Variants in MUC17 observed in about 807,000 individuals in gnomAD.
The protein encoded by MUC17 is mucin 17, cell surface associated.
MUC17 carries 190 observed loss-of-function variants against 170.3 expected under a neutral mutation model. The ratio of observed to expected loss-of-function variants is 1.12; its 90% CI spans 0.99 to 1.26. The LOEUF (loss-of-function observed/expected upper bound fraction) is 1.26. MUC17 is among the 50% of genes most tolerant of loss of function. MUC17 has a pLI of 0.00. For synonymous variants in MUC17, 2,325 were observed against 2,002.5 expected (o/e 1.16, Z -4.30); for missense variants, 6,415 against 5,530.0 (o/e 1.16, Z -5.08).
intron 1 of MUC17, among the ~76,000 whole-genome samples, chr7:101,022,002 T>C (rs530263234): frequency 4.3e-4 from 65 of 152,200 alleles, no homozygotes; most frequent in African/African-American, 1.5e-3. Flanking sequence ...CCATCACAGA[T>C]GCCCTCTCAT....
chr7:101,046,128 T>C (rs1403221233), intron 3 of MUC17, among the ~76,000 whole-genome samples: 1 of 152,198 alleles, frequency 6.6e-6, no homozygotes, highest in Non-Finnish European at 1.5e-5. Context: ...TGCCCAGGAC[T>C]CTTGACTTCT....
In MUC17 at chr7:101,043,448, C is replaced by A. The variant is rs1326959332; in HGVS notation, c.12032C>A (p.Pro4011His). The change falls in exon 3 of 13, where the codon CCC (proline) becomes CAC (histidine). Residue 4011 changes from proline (P) to histidine (H), a missense_variant. Physicochemically the swap from Pro to His is moderately conservative, Grantham distance 77 (BLOSUM62 -2). Coordinates refer to ENST00000306151, the MANE Select transcript of MUC17 (RefSeq NM_001040105.2). Reference sequence around the variant, plus strand: ...ACATATGTGACCATGTCTACTGCCCCCAGCACACCCAGAACAACCAGCAGA... The same window carrying A: ...ACATATGTGACCATGTCTACTGCCCACAGCACACCCAGAACAACCAGCAGA... ...PLTYVTMSTA[P>H]STPRTTSRGC... The A allele has an allele frequency of 3.7e-6, 6 of 1,614,082 alleles. No individual in the cohort carries two copies. Among genetic ancestry groups the A allele is most frequent in the Non-Finnish European group, 5.1e-6 (6 of 1,180,048 alleles).
Position 101,035,441 on chromosome 7 carries a change from T to C in MUC17, c.4025T>C (p.Ile1342Thr), listed in dbSNP as rs764240698. 5.0e-6 allele frequency: 8 copies of C among 1,602,360 alleles called. No individual in the cohort carries two copies. The highest frequency in any genetic ancestry group is 1.7e-4 in the Middle Eastern group (1 of 6,028). Residue 1342 changes from isoleucine (I) to threonine (T), a missense_variant, in exon 3 of 13, where the codon ATA (isoleucine) becomes ACA (threonine). Transcript: ENST00000306151. Reference protein sequence around the residue: ...YSEGRTPLTSIPVNTTLVASS... With the variant: ...YSEGRTPLTSTPVNTTLVASS... ...GAAGGAAGAACTCCTTTAACAAGTA[T>C]ACCTGTCAACACCACACTGGTGGCC... is the stretch of plus-strand genomic sequence containing the variant.
At chr7:101,057,897 TA>T in intron 12 of MUC17, 105 bp from the exon 13 acceptor site, 2 of 950,448 alleles carry the variant, frequency 2.1e-6, no homozygotes, top group Non-Finnish European at 3.1e-6. Context: ...TAATAAAAAA[TA>T]AAAATAATTA....
At chr7:101,046,695 T>C (rs1248285182) in intron 3 of MUC17, among the ~76,000 whole-genome samples, 1 of 151,868 alleles carries the variant, frequency 6.6e-6, no homozygotes, top group East Asian at 1.9e-4. Flanking sequence ...GGAGGATTGC[T>C]TAAGCCCAGG....
intron 1 of MUC17, among the ~76,000 whole-genome samples, chr7:101,023,234 C>T (rs972693571): frequency 1.3e-5 from 2 of 152,064 alleles, no homozygotes; most frequent in Non-Finnish European, 2.9e-5. Context: ...CAGTTTAACT[C>T]GATCCCCTGC....
intron 1 of MUC17, among the ~76,000 whole-genome samples, chr7:101,028,755 T>C (rs1210523607): frequency 2.0e-5 from 3 of 151,184 alleles, no homozygotes; most frequent in Non-Finnish European, 2.9e-5. Flanking sequence ...AGGTGTGGTG[T>C]CTCATGCCTG....
At chr7:101,055,433 A>G (rs1467241049) in intron 11 of MUC17, among the ~76,000 whole-genome samples, 3 of 152,216 alleles carry the variant, frequency 2.0e-5, no homozygotes, top group Admixed American at 6.5e-5. Context: ...AAGAATTACT[A>G]GGTATAAAAA....
In MUC17 at chr7:101,041,588, C is replaced by T. The variant is rs771754460; in HGVS notation, c.10172C>T (p.Thr3391Ile). 2.5e-6 allele frequency: 4 copies of T among 1,613,630 alleles called. No homozygotes were observed. The highest frequency in any genetic ancestry group is 2.2e-5 in the East Asian group (1 of 44,856). The change falls in exon 3 of 13, where the codon ACC becomes ATC. Residue 3391 changes from threonine to isoleucine, a missense_variant. By Grantham distance (89) the Thr-to-Ile change is moderately conservative (BLOSUM62 -1). Coordinates refer to ENST00000306151, the MANE Select transcript of MUC17 (RefSeq NM_001040105.2). ...ACTGCTGAAGGTACCAGCATACCAA[C>T]CTCAAGTCCTAGTGAAGGAACCACT... ...PTTAEGTSIP[T>I]SSPSEGTTPL...
Position 101,041,314 on chromosome 7 carries a change from A to G in MUC17, c.9898A>G (p.Thr3300Ala), listed in dbSNP as rs1200949703. 9.9e-6 allele frequency: 16 copies of G among 1,610,818 alleles called. No homozygotes were observed. In the African/African-American group the frequency reaches 2.1e-4, roughly 22 times the overall value. The change falls in exon 3 of 13, where the codon ACC becomes GCC. Residue 3300 changes from threonine (T) to alanine (A), a missense_variant. By Grantham distance (58) the Thr-to-Ala change is moderately conservative. Coordinates refer to ENST00000306151, the MANE Select transcript of MUC17 (RefSeq NM_001040105.2). ...TTTVASSETS[T>A]LSTTPADTST... is the part of the protein sequence containing the mutation. ...AACGGTGGCCAGTTCTGAAACGAGC[A>G]CCCTTTCAACAACTCCTGCTGACAC... is the stretch of plus-strand genomic sequence containing the variant.
In MUC17 at chr7:101,044,794, CT is replaced by C. The variant is rs1317655926; in HGVS notation, c.12403+984del. On this transcript the variant is annotated intron_variant, in intron 3 of 12. Coordinates refer to ENST00000306151, the MANE Select transcript of MUC17 (RefSeq NM_001040105.2). ...GATTTTGTTCATACTAAAGTACGAA[CT>C]TTTTTTTTGCAGAAGGTTTTTGCCT... Among the ~76,000 whole-genome samples the C allele has an allele frequency of 5.9e-5, 9 of 151,654 alleles. No homozygotes were observed. In the South Asian group the frequency reaches 1.5e-3, roughly 25 times the overall value.
At chr7:101,029,486 C>G (rs141854824) in intron 1 of MUC17, among the ~76,000 whole-genome samples, 1 of 152,248 alleles carries the variant, frequency 6.6e-6, no homozygotes, top group African/African-American at 2.4e-5. Flanking sequence ...TTCTCTCCAT[C>G]GTTCATGTTT....
intron 3 of MUC17, among the ~76,000 whole-genome samples, chr7:101,047,578 C>T (rs1450299791): frequency 1.3e-5 from 2 of 152,130 alleles, no homozygotes; most frequent in African/African-American, 4.8e-5. Context: ...ACTTGTAATC[C>T]CAGCACTTTG....
rs1795021329 is a variant in MUC17 at position 101,054,988 on chromosome 7, A to C, written c.13364-1206A>C. Among the ~76,000 whole-genome samples, 5 of 151,984 alleles carry C rather than the reference A, an allele frequency of 3.3e-5. No homozygotes were observed. The South Asian group carries it at 1.0e-3, about 32-fold the overall frequency. ...CTGGACATGGTGGCATGTGCCTGTAATCCCAACCACCTGGGAGGCTGAGGC... is the reference window on the plus strand; with the variant it reads ...CTGGACATGGTGGCATGTGCCTGTACTCCCAACCACCTGGGAGGCTGAGGC... On this transcript the variant is annotated intron_variant, in intron 11 of 12. Coordinates refer to ENST00000306151, the MANE Select transcript of MUC17 (RefSeq NM_001040105.2).
chr7:101,039,392 A>G lies in MUC17; in HGVS notation c.7976A>G (p.Asp2659Gly). 2 of 1,611,980 alleles carry G rather than the reference A, an allele frequency of 1.2e-6. No individual in the cohort carries two copies. Among genetic ancestry groups the G allele is most frequent in the Non-Finnish European group, 1.7e-6 (2 of 1,179,156 alleles). Residue 2659 changes from aspartate to glycine, a missense_variant, in exon 3 of 13, where the codon GAC (aspartate) becomes GGC (glycine). By Grantham distance (94) the Asp-to-Gly change is moderately conservative. Coordinates refer to ENST00000306151, the MANE Select transcript of MUC17 (RefSeq NM_001040105.2). The stretch of plus-strand genomic sequence containing the variant: ...AGCACCCTTTCAACAACTCCTGTTG[A>G]CACCAGGACACTTGTGACCACTTCC... ...EASTLSTTPV[D>G]TRTLVTTSTG...
intron 11 of MUC17, among the ~76,000 whole-genome samples, chr7:101,054,852 G>T (rs1415351866): frequency 6.6e-6 from 1 of 151,940 alleles, no homozygotes; most frequent in East Asian, 1.9e-4. Flanking sequence ...TGTGGCTCAT[G>T]CCTGTAATCC....
intron 11 of MUC17, among the ~76,000 whole-genome samples, chr7:101,055,595 G>A (rs557677279): frequency 1.3e-4 from 20 of 152,236 alleles, no homozygotes; most frequent in African/African-American, 3.9e-4. Flanking sequence ...TTTTTAAAAC[G>A]CCTCTCTTAG....
At chr7:101,048,756 T>A in intron 4 of MUC17, 89 bp from the exon 5 acceptor site, 5 of 1,476,502 alleles carry the variant, frequency 3.4e-6, no homozygotes, top group Non-Finnish European at 4.6e-6. Context: ...TAAAATACAA[T>A]GGAGCTCACT....
rs367956925 is a variant in MUC17, at chr7:101,042,355, G to A, written c.10939G>A (p.Val3647Met). ...LTIMPVSTTS[V>M]TISEAGTAST... ...CATTATGCCTGTCAGCACCACATCG[G>A]TGACCATTTCTGAGGCTGGCACAGC... The change falls in exon 3 of 13, where the codon GTG becomes ATG. Residue 3647 changes from valine to methionine, a missense_variant. Physicochemically the swap from Val to Met is conservative, Grantham distance 21. Coordinates refer to ENST00000306151, the MANE Select transcript of MUC17 (RefSeq NM_001040105.2). 2.5e-6 allele frequency: 4 copies of A among 1,613,994 alleles called. No individual in the cohort carries two copies. The highest frequency in any genetic ancestry group is 3.4e-6 in the Non-Finnish European group (4 of 1,179,996).
Sources: allele counts gnomAD v4.1 joint callset (sites outside exome capture counted in the v4.1 genomes callset), GRCh38; gene constraint gnomAD v4.1.1; transcripts MANE v1.5; gene names NCBI Gene and HGNC (gene_info 2026-07-23, HGNC 2026-07-21).